The following ASB3 variants were observed in gnomAD, a reference collection of about 807,000 sequenced individuals.
The protein encoded by ASB3 is ankyrin repeat and SOCS box containing 3.
A neutral mutation model predicts 54.5 loss-of-function variants in ASB3; 41 were observed. That is an observed-to-expected ratio of 0.75 (90% CI 0.59 to 0.98). The LOEUF is 0.98. Ranked by LOEUF, ASB3 falls within the 50% of genes least tolerant of loss-of-function variation. The pLI, the probability that ASB3 is intolerant of heterozygous loss-of-function variation, is 0.00. For missense variants in ASB3, 733 were observed against 620.0 expected, an observed-to-expected ratio of 1.18 and a Z score of -1.94; for synonymous variants, 266 against 221.2, an observed-to-expected ratio of 1.20 and a Z score of -1.80.
At chr2:53,679,296 C>A (rs766021668) in intron 9 of ASB3, among the ~76,000 whole-genome samples, 9 of 152,186 alleles carry the variant, frequency 5.9e-5, no homozygotes, top group Non-Finnish European at 1.3e-4. Flanking sequence ...TTCAATGGTT[C>A]TCAATTGGTT....
In ASB3 at chr2:53,750,830, G is replaced by T; in HGVS notation, c.308C>A (p.Ala103Glu). Reference sequence around the variant, plus strand: ...TTCTAAAGTAGTTGCATTAGGATCTGCCCCAGCTTCTAAAAGAATCTGTAC... The same window carrying T: ...TTCTAAAGTAGTTGCATTAGGATCTTCCCCAGCTTCTAAAAGAATCTGTAC... ...KIVQILLEAG[A>E]DPNATTLEET... The change falls in exon 3 of 10, where the codon GCA (alanine) becomes GAA (glutamate). Residue 103 changes from alanine to glutamate, a missense_variant. Physicochemically the swap from Ala to Glu is moderately radical, Grantham distance 107 (BLOSUM62 -1). Transcript: ENST00000263634. 1 of 1,601,872 alleles carries T rather than the reference G, an allele frequency of 6.2e-7. No individual in the cohort carries two copies. Among genetic ancestry groups the T allele is most frequent in the Non-Finnish European group, 8.5e-7 (1 of 1,174,170 alleles).
At chr2:53,675,670 A>T (rs1424152820) in intron 9 of ASB3, among the ~76,000 whole-genome samples, 1 of 152,226 alleles carries the variant, frequency 6.6e-6, no homozygotes, top group Non-Finnish European at 1.5e-5. Flanking sequence ...TCCTGATATC[A>T]ATCAGTTTAT....
At chr2:53,749,596 C>T (rs1672409967) in intron 3 of ASB3, among the ~76,000 whole-genome samples, 1 of 152,060 alleles carries the variant, frequency 6.6e-6, no homozygotes, top group African/African-American at 2.4e-5. Flanking sequence ...TATTTAATCA[C>T]ATCTATTTAA....
chr2:53,742,921 C>G (rs997409277), intron 3 of ASB3, among the ~76,000 whole-genome samples: 1 of 151,800 alleles, frequency 6.6e-6, no homozygotes, highest in Non-Finnish European at 1.5e-5. Flanking sequence ...TTAAAATATC[C>G]AAGTCTACAT....
intron 9 of ASB3, among the ~76,000 whole-genome samples, chr2:53,677,494 T>A (rs920478392): frequency 4.3e-4 from 65 of 152,100 alleles, no homozygotes; most frequent in East Asian, 1.4e-3. Context: ...CAGGTTTTTT[T>A]TAAAAAAAAA....
chr2:53,682,561 C>T (rs1668431678), intron 9 of ASB3, among the ~76,000 whole-genome samples: 1 of 152,118 alleles, frequency 6.6e-6, no homozygotes, highest in African/African-American at 2.4e-5. Flanking sequence ...ACTGCAACCT[C>T]CACCTCTCGG....
At chr2:53,732,089 GC>G (rs1671350862) in intron 3 of ASB3, among the ~76,000 whole-genome samples, 1 of 152,078 alleles carries the variant, frequency 6.6e-6, no homozygotes, top group African/African-American at 2.4e-5. Flanking sequence ...CTCCCGAGTA[GC>G]TGGGATTACA....
Position 53,732,061 on chromosome 2 carries a change from C to G in ASB3, c.356-2491G>C, listed in dbSNP as rs72901256. ...CAACCTCCCTGTCCTGGGTTTCATGCGATTCTTCTGCCTCAACCTCCCGAG... is the reference window on the plus strand; with the variant it reads ...CAACCTCCCTGTCCTGGGTTTCATGGGATTCTTCTGCCTCAACCTCCCGAG... On this transcript the variant is annotated intron_variant, in intron 3 of 9. Coordinates refer to ENST00000263634, the MANE Select transcript of ASB3 (RefSeq NM_016115.5). 3.9e-4 allele frequency among the ~76,000 whole-genome samples: 59 copies of G among 152,022 alleles called. 1 individual carries two copies. The highest frequency in any genetic ancestry group is 1.8e-4 in the Non-Finnish European group (12 of 67,998).
chr2:53,693,979 G>C lies in ASB3; in HGVS notation c.1274C>G (p.Thr425Ser). The C allele has an allele frequency of 6.2e-7, 1 of 1,613,556 alleles. No homozygotes were observed. The highest frequency in any genetic ancestry group is 2.2e-5 in the East Asian group (1 of 44,860). The change falls in exon 9 of 10, where the codon ACT becomes AGT. Residue 425 changes from threonine (T) to serine (S), a missense_variant. Thr to Ser is a moderately conservative substitution (Grantham distance 58). Transcript: ENST00000263634. ...TGTCTTCCAATTAGTAAACTCCAAA[G>C]TGAAGATAAGGGTGTCAATGCTGAC... Reference protein sequence around the residue: ...DSVSIDTLIFTLEFTNWKTLA... With the variant: ...DSVSIDTLIFSLEFTNWKTLA...
At chr2:53,735,194 A>C (rs1452240686) in intron 3 of ASB3, among the ~76,000 whole-genome samples, 1 of 152,136 alleles carries the variant, frequency 6.6e-6, no homozygotes, top group Non-Finnish European at 1.5e-5. Flanking sequence ...TGCTGGGATT[A>C]CACACATGAG....
intron 6 of ASB3, among the ~76,000 whole-genome samples, chr2:53,716,307 A>G (rs1670386408): frequency 6.6e-6 from 1 of 152,152 alleles, no homozygotes; most frequent in African/African-American, 2.4e-5. Flanking sequence ...AGAGAAATCA[A>G]TGGGAAGAGT....
chr2:53,690,841 T>A (rs1189915423), intron 9 of ASB3, among the ~76,000 whole-genome samples: 1 of 152,112 alleles, frequency 6.6e-6, no homozygotes, highest in Non-Finnish European at 1.5e-5. Context: ...ATCAAGAGAG[T>A]TTCCTGGGGT....
chr2:53,719,053 T>A (rs1299993901), intron 5 of ASB3, among the ~76,000 whole-genome samples: 5 of 152,144 alleles, frequency 3.3e-5, no homozygotes. Flanking sequence ...CCCGAGTAGC[T>A]GGGACTACAG....
chr2:53,761,041 A>G (rs1422787757), intron 2 of ASB3, among the ~76,000 whole-genome samples: 1 of 152,158 alleles, frequency 6.6e-6, no homozygotes, highest in Non-Finnish European at 1.5e-5. Flanking sequence ...GAAGCACTTA[A>G]GAGCAGTCGT....
At chr2:53,774,439 C>G in intron 1 of ASB3, 1 of 1,608,436 alleles carries the variant, frequency 6.2e-7, no homozygotes, top group Non-Finnish European at 8.5e-7. Context: ...GAACCTTGTG[C>G]CAGAAGAAGC....
At chr2:53,675,918 A>C (rs1223152716) in intron 9 of ASB3, among the ~76,000 whole-genome samples, 1 of 152,152 alleles carries the variant, frequency 6.6e-6, no homozygotes, top group Non-Finnish European at 1.5e-5. Context: ...CATGGAGGGG[A>C]GTTCCTTTCA....
chr2:53,674,462 T>C (rs188755725), intron 9 of ASB3, among the ~76,000 whole-genome samples: 2 of 152,344 alleles, frequency 1.3e-5, no homozygotes, highest in Non-Finnish European at 2.9e-5. Context: ...TACAAAGTTT[T>C]GTTAAAATCA....
chr2:53,764,698 G>C (rs919071724), intron 2 of ASB3, among the ~76,000 whole-genome samples: 3 of 152,312 alleles, frequency 2.0e-5, no homozygotes, highest in Middle Eastern at 3.4e-3. Flanking sequence ...GCACTGGCTT[G>C]TTTCTGTGGT....
intron 7 of ASB3, among the ~76,000 whole-genome samples, chr2:53,703,314 T>C (rs1341193810): frequency 1.3e-5 from 2 of 152,190 alleles, no homozygotes; most frequent in African/African-American, 4.8e-5. Context: ...TGTTGCAGGA[T>C]CTATACAGTA....
Sources: gnomAD v4.1 joint callset for allele counts (sites outside exome capture counted in the v4.1 genomes callset) on GRCh38, gnomAD v4.1.1 for gene constraint, MANE v1.5 for transcripts, NCBI Gene and HGNC (gene_info 2026-07-23, HGNC 2026-07-21) for gene names.